CDC123: variants seen among roughly 807,000 people sequenced by gnomAD.
CDC123 encodes translation initiation factor eIF2 assembly protein.
Under a neutral mutation model 54.4 loss-of-function variants are expected in CDC123, and 37 were observed. That is an observed-to-expected ratio of 0.68 (90% CI 0.52 to 0.89). CDC123 has a LOEUF of 0.89. CDC123 is among the 40% of genes least tolerant of loss of function. The pLI, the probability that CDC123 is intolerant of heterozygous loss-of-function variation, is 0.00. For synonymous variants in CDC123, 144 were observed against 136.8 expected, an observed-to-expected ratio of 1.05 and a Z score of -0.37; for missense variants, 361 against 412.1, an observed-to-expected ratio of 0.88 and a Z score of 1.07.
intron 8 of CDC123, among the ~76,000 whole-genome samples, chr10:12,236,560 C>G (rs1835979118): frequency 1.3e-5 from 2 of 151,492 alleles, no homozygotes; most frequent in African/African-American, 4.9e-5. Context: ...GATTGTGCCA[C>G]TGTACCCCAG....
chr10:12,243,388 A>G, intron 10 of CDC123, among the ~76,000 whole-genome samples: 1 of 40,970 alleles, frequency 2.4e-5, no homozygotes, highest in Admixed American at 3.1e-4. Flanking sequence ...ACAAGAGTGA[A>G]AAAAAAAAAA....
At chr10:12,234,989 G>T (rs1007019759) in intron 7 of CDC123, 59 bp from the exon 8 acceptor site, 2 of 1,245,220 alleles carry the variant, frequency 1.6e-6, no homozygotes, top group Non-Finnish European at 2.3e-6. Flanking sequence ...ACCTAAAATT[G>T]CCTAGTAGAC....
chr10:12,205,197 T>C (rs1588670030), intron 2 of CDC123, among the ~76,000 whole-genome samples: 1 of 152,120 alleles, frequency 6.6e-6, no homozygotes, highest in Non-Finnish European at 1.5e-5. Flanking sequence ...CCTGGCTTAC[T>C]TCACTTAACA....
At chr10:12,210,397 A>G (rs1219618696) in intron 4 of CDC123, 75 bp downstream of exon 4, 1 of 1,514,906 alleles carries the variant, frequency 6.6e-7, no homozygotes, top group Non-Finnish European at 9.0e-7. Context: ...GTTTAAGTGC[A>G]TACCTCTCTT....
chr10:12,206,019 C>G (rs1835514635), intron 2 of CDC123, among the ~76,000 whole-genome samples: 1 of 152,188 alleles, frequency 6.6e-6, no homozygotes, highest in African/African-American at 2.4e-5. Context: ...CCAGGCTAGT[C>G]TTGAACTCCT....
intron 1 of CDC123, among the ~76,000 whole-genome samples, 182 bp from the exon 2 acceptor site, chr10:12,198,523 G>A (rs898655203): frequency 6.6e-6 from 1 of 152,176 alleles, no homozygotes; most frequent in African/African-American, 2.4e-5. Flanking sequence ...GTGGCAATAA[G>A]ATGAACCGCA....
Position 12,237,258 on chromosome 10 carries a change from A to G in CDC123, c.680A>G (p.Asp227Gly). 6.5e-6 allele frequency: 10 copies of G among 1,548,398 alleles called. No homozygotes were observed. Among genetic ancestry groups the G allele is most frequent in the Non-Finnish European group, 8.6e-6 (10 of 1,156,504 alleles). The change falls in exon 9 of 13, where the codon GAT (aspartate) becomes GGT (glycine). Residue 227 changes from aspartate (D) to glycine (G), a missense_variant. Physicochemically the swap from Asp to Gly is moderately conservative, Grantham distance 94 (BLOSUM62 -1). Transcript: ENST00000281141. The part of the protein sequence containing the change: ...FKKHIQYKFL[D>G]EDFVFDIYRD... ...AAACACATACAGTACAAATTCTTAG[A>G]TGAAGACTGTGAGTATTTTTTTATT...
At chr10:12,243,356 C>T (rs1836085652) in intron 10 of CDC123, among the ~76,000 whole-genome samples, 1 of 150,438 alleles carries the variant, frequency 6.6e-6, no homozygotes. Flanking sequence ...CGAGATCTCA[C>T]CATTGCACTC....
chr10:12,250,567 A>G lies in CDC123; in HGVS notation c.*230A>G, dbSNP rs749663109. On this transcript the variant is annotated 3_prime_UTR_variant, in exon 13 of 13. Coordinates refer to ENST00000281141, the MANE Select transcript of CDC123 (RefSeq NM_006023.3). ...CATAGGAAAACCATACTGTTCTGAT[A>G]ATAAAATGCTTTCTATGAAATACGT... 12 of 471,986 alleles carry G rather than the reference A, an allele frequency of 2.5e-5. No homozygotes were observed. The highest frequency in any genetic ancestry group is 1.8e-4 in the African/African-American group (9 of 49,064). The allele number at this position is 471,986 out of a possible 1,614,324, so 29.2% of individuals were successfully genotyped here.
rs141874461 is a variant in CDC123 at position 12,196,416 on chromosome 10, C to G, written c.74+97C>G. ...ATCCAAAAAAATGCAGGCCTTCTAGCGACTGCATGGGAGGGAGTGTGTCGA... is the reference window on the plus strand; with the variant it reads ...ATCCAAAAAAATGCAGGCCTTCTAGGGACTGCATGGGAGGGAGTGTGTCGA... On this transcript the variant is annotated intron_variant, in intron 1 of 12. Transcript: ENST00000281141. 3 of 1,475,146 alleles carry G rather than the reference C, an allele frequency of 2.0e-6. No homozygotes were observed. In the East Asian group the frequency reaches 6.8e-5, roughly 34 times the overall value. 91.4% of individuals were successfully genotyped at this position (1,475,146 alleles called of 1,614,324 possible). A position where few individuals can be genotyped will look rare whatever the true frequency, so the allele number is the denominator to read the frequency against.
At chr10:12,230,898 C>G in intron 6 of CDC123, 50 bp from the exon 7 acceptor site, 1 of 1,541,026 alleles carries the variant, frequency 6.5e-7, no homozygotes, top group South Asian at 1.1e-5. Flanking sequence ...TGTGCATAAA[C>G]TGGCACCAGT....
chr10:12,219,245 CAGTG>C (rs1393529005), intron 6 of CDC123, among the ~76,000 whole-genome samples: 1 of 152,116 alleles, frequency 6.6e-6, no homozygotes, highest in African/African-American at 2.4e-5. Context: ...GTTAAGTAAT[CAGTG>C]AGTGTGGTTG....
At chr10:12,221,945 G>A (rs943697060) in intron 6 of CDC123, among the ~76,000 whole-genome samples, 3 of 152,188 alleles carry the variant, frequency 2.0e-5, no homozygotes, top group African/African-American at 7.2e-5. Flanking sequence ...GCATGCGTCA[G>A]GGTTATCCAG....
chr10:12,240,025 AATT>A (rs1352002362), intron 10 of CDC123, among the ~76,000 whole-genome samples: 24 of 150,858 alleles, frequency 1.6e-4, no homozygotes, highest in African/African-American at 5.6e-4. Context: ...AAAAAAAAAA[AATT>A]ATTATTATTA....
At position 12,200,119 on chromosome 10, in the gene CDC123, C is replaced by CCTTTTTTTTTTTTTTT. The variant is rs1564431631; in HGVS notation, c.146+1343_146+1344insCTTTTTTTTTTTTTTT. Reference sequence around the variant, plus strand: ...TATAGGCCTGAGCCACCGCACTCGGCATTTTTTTTTTTTTTTTTTTTTTTA... The same window carrying CCTTTTTTTTTTTTTTT: ...TATAGGCCTGAGCCACCGCACTCGGCCTTTTTTTTTTTTTTTATTTTTTTTTTTTTTTTTTTTTTTA... On this transcript the variant is annotated intron_variant, in intron 2 of 12. Transcript: ENST00000281141. Among the ~76,000 whole-genome samples, 11 of 24,272 alleles carry CCTTTTTTTTTTTTTTT rather than the reference C, an allele frequency of 4.5e-4. 1 individual carries two copies. The highest frequency in any genetic ancestry group is 8.0e-4 in the African/African-American group (7 of 8,780). The allele number at this position is 24,272 out of a possible 152,430, so 15.9% of individuals were successfully genotyped here. A position where few individuals can be genotyped will look rare whatever the true frequency, so the allele number is the denominator to read the frequency against.
intron 10 of CDC123, among the ~76,000 whole-genome samples, chr10:12,244,000 A>G (rs1172444929): frequency 1.3e-5 from 2 of 152,210 alleles, no homozygotes; most frequent in African/African-American, 4.8e-5. Context: ...TCAAGCGGTG[A>G]GAAATTTGCA....
chr10:12,225,746 C>CTTTTTTTTTTTTTTTTTTTTTTTT (rs60404885), intron 6 of CDC123, among the ~76,000 whole-genome samples: 2 of 66,928 alleles, frequency 3.0e-5, no homozygotes, highest in African/African-American at 7.1e-5. Context: ...TAGCTTCTCT[C>CTTTTTTTTTTTTTTTTTTTTTTTT]TTTTTTTTTT....
At chr10:12,243,991 C>G (rs1372192904) in intron 10 of CDC123, among the ~76,000 whole-genome samples, 1 of 152,134 alleles carries the variant, frequency 6.6e-6, no homozygotes, top group African/African-American at 2.4e-5. Flanking sequence ...GGAAACAACT[C>G]AAGCGGTGAG....
chr10:12,213,040 T>A (rs1588672772), intron 4 of CDC123, among the ~76,000 whole-genome samples: 1 of 152,226 alleles, frequency 6.6e-6, no homozygotes, highest in Non-Finnish European at 1.5e-5. Flanking sequence ...CTAAAGGCAC[T>A]AACTAATACA....
Sources: gnomAD v4.1 joint callset for allele counts (sites outside exome capture counted in the v4.1 genomes callset) on GRCh38, gnomAD v4.1.1 for gene constraint, MANE v1.5 for transcripts, NCBI Gene and HGNC (gene_info 2026-07-23, HGNC 2026-07-21) for gene names.